Variants in ARHGAP17 observed in about 807,000 individuals in gnomAD.
ARHGAP17 encodes Rho GTPase activating protein 17, also known as rho GTPase-activating protein 17.
Under a neutral mutation model 99.5 loss-of-function variants are expected in ARHGAP17, and 57 were observed. That is an observed-to-expected ratio of 0.57 (90% CI 0.46 to 0.71). ARHGAP17 has a LOEUF of 0.71. ARHGAP17 is among the 30% of genes least tolerant of loss of function. The pLI is 0.00. For synonymous variants in ARHGAP17, 417 were observed against 429.6 expected, an observed-to-expected ratio of 0.97 and a Z score of 0.36; for missense variants, 1,000 against 1,122.4, an observed-to-expected ratio of 0.89 and a Z score of 1.56.
chr16:25,003,509 T>TG (rs2053427872), intron 1 of ARHGAP17, among the ~76,000 whole-genome samples: 1 of 152,134 alleles, frequency 6.6e-6, no homozygotes, highest in Admixed American at 6.5e-5. Flanking sequence ...CCACCATGCC[T>TG]GGCCTTAAAG....
At chr16:24,944,759 G>A (rs918879176) in intron 14 of ARHGAP17, among the ~76,000 whole-genome samples, 13 of 152,020 alleles carry the variant, frequency 8.6e-5, no homozygotes, top group Non-Finnish European at 1.6e-4. Flanking sequence ...TGGGACTACA[G>A]GCACCTGCCA....
chr16:24,956,386 C>T (rs2051808851), intron 9 of ARHGAP17: 1 of 152,240 alleles, frequency 6.6e-6, no homozygotes, highest in African/African-American at 2.4e-5. Context: ...AAACAACAGA[C>T]CTACTATGTG....
chr16:24,939,368 C>A lies in ARHGAP17; in HGVS notation c.1720G>T (p.Gly574Cys), dbSNP rs369553189. Residue 574 changes from glycine (G) to cysteine (C), a missense_variant, in exon 17 of 20, where the codon GGC becomes TGC. Transcript: ENST00000289968. Reference sequence around the variant, plus strand: ...AGCAGAAGTCAGCCTCCTTACCTGCCGTCGCCTGGGCTCGGCCCCTGCTCC... The same window carrying A: ...AGCAGAAGTCAGCCTCCTTACCTGCAGTCGCCTGGGCTCGGCCCCTGCTCC... ...ILEQGPSPGDGSPPKPKDPVS... is the reference protein window; with the variant it reads ...ILEQGPSPGDCSPPKPKDPVS... 3 of 1,601,202 alleles carry A rather than the reference C, an allele frequency of 1.9e-6. No individual in the cohort carries two copies. The highest frequency in any genetic ancestry group is 2.2e-5 in the South Asian group (2 of 89,376).
chr16:24,974,393 C>T (rs9932016), intron 3 of ARHGAP17, among the ~76,000 whole-genome samples: 10,615 of 152,180 alleles, frequency 0.07, 1,216 homozygotes, highest in African/African-American at 0.24. Context: ...TCAACCACTG[C>T]GCTCCAGCCT....
intron 9 of ARHGAP17, among the ~76,000 whole-genome samples, chr16:24,958,696 G>C (rs1416012073): frequency 6.6e-6 from 1 of 152,152 alleles, no homozygotes. Context: ...GAACTTAGGG[G>C]GAGAAGAAGT....
intron 1 of ARHGAP17, among the ~76,000 whole-genome samples, chr16:25,001,680 A>C (rs1011094906): frequency 6.6e-6 from 1 of 152,116 alleles, no homozygotes; most frequent in Non-Finnish European, 1.5e-5. Context: ...TCAGCTTTCC[A>C]AAGTGCTGGG....
chr16:24,992,140 CG>C (rs1192088139), intron 1 of ARHGAP17, among the ~76,000 whole-genome samples: 2 of 151,968 alleles, frequency 1.3e-5, no homozygotes, highest in East Asian at 1.9e-4. Flanking sequence ...CCATGGAACT[CG>C]GGGGCAACAG....
chr16:24,991,681 ACTG>A (rs1289398797), intron 1 of ARHGAP17, among the ~76,000 whole-genome samples: 2 of 152,192 alleles, frequency 1.3e-5, no homozygotes, highest in African/African-American at 2.4e-5. Flanking sequence ...GCTTCCCACC[ACTG>A]CTAAGGAAGC....
intron 10 of ARHGAP17, 75 bp from the exon 11 acceptor site, chr16:24,953,117 G>C (rs2051694468): frequency 7.4e-7 from 1 of 1,345,148 alleles, no homozygotes; most frequent in Non-Finnish European, 1.1e-6. Flanking sequence ...TGTTCTGATG[G>C]GTATTTCCTG....
intron 1 of ARHGAP17, among the ~76,000 whole-genome samples, chr16:25,003,685 G>A (rs184559268): frequency 6.2e-4 from 94 of 152,150 alleles, no homozygotes; most frequent in Non-Finnish European, 1.3e-3. Flanking sequence ...TTAGCCGGGA[G>A]TGGTAGTGCA....
chr16:24,989,208 G>C (rs2052962587), intron 1 of ARHGAP17, among the ~76,000 whole-genome samples: 1 of 152,168 alleles, frequency 6.6e-6, no homozygotes, highest in Admixed American at 6.5e-5. Context: ...GATGGCTGCT[G>C]GGGAGGTGCA....
intron 1 of ARHGAP17, among the ~76,000 whole-genome samples, chr16:24,994,173 G>C (rs925559665): frequency 1.3e-5 from 2 of 152,198 alleles, no homozygotes; most frequent in Admixed American, 1.3e-4. Flanking sequence ...GATGATGGTA[G>C]ATTCTGGGTG....
Position 24,920,076 on chromosome 16 carries a change from C to A in ARHGAP17, c.*54G>T. ...GTCTGCAAAGAAAGAGGTTCGCCTGCCCCTGCTCCACTCGCCAGGGTGGAA... is the reference window on the plus strand; with the variant it reads ...GTCTGCAAAGAAAGAGGTTCGCCTGACCCTGCTCCACTCGCCAGGGTGGAA... On this transcript the variant is annotated 3_prime_UTR_variant, in exon 20 of 20. Coordinates refer to ENST00000289968, the MANE Select transcript of ARHGAP17 (RefSeq NM_001006634.3). 1 of 1,599,022 alleles carries A rather than the reference C, an allele frequency of 6.3e-7. No individual in the cohort carries two copies. The highest frequency in any genetic ancestry group is 8.5e-7 in the Non-Finnish European group (1 of 1,170,114).
At chr16:24,978,830 C>CA in intron 2 of ARHGAP17, 136 bp downstream of exon 2, 1 of 656,446 alleles carries the variant, frequency 1.5e-6, no homozygotes, top group South Asian at 2.1e-5. Flanking sequence ...CTTTCCTGCT[C>CA]AAAATCACAC....
chr16:25,005,951 A>G (rs1039394146), intron 1 of ARHGAP17, among the ~76,000 whole-genome samples: 2 of 152,224 alleles, frequency 1.3e-5, no homozygotes, highest in African/African-American at 4.8e-5. Flanking sequence ...CTGTCATGAT[A>G]TAAACATTAA....
chr16:24,939,155 A>G (rs1166202679), intron 17 of ARHGAP17, among the ~76,000 whole-genome samples: 1 of 152,152 alleles, frequency 6.6e-6, no homozygotes, highest in African/African-American at 2.4e-5. Flanking sequence ...AAGAATGCAA[A>G]CCAATGTTGC....
At chr16:24,932,447 C>T (rs1461149598) in intron 18 of ARHGAP17, among the ~76,000 whole-genome samples, 1 of 152,020 alleles carries the variant, frequency 6.6e-6, no homozygotes, top group Non-Finnish European at 1.5e-5. Flanking sequence ...CTCATTAGGG[C>T]CCCATGGGAA....
At chr16:25,013,211 G>A (rs958857011) in intron 1 of ARHGAP17, among the ~76,000 whole-genome samples, 2 of 152,192 alleles carry the variant, frequency 1.3e-5, no homozygotes, top group Non-Finnish European at 2.9e-5. Context: ...ATGAGCAAGA[G>A]GTGCCTGGAG....
intron 2 of ARHGAP17, among the ~76,000 whole-genome samples, chr16:24,978,452 C>A (rs186088782): frequency 6.6e-6 from 1 of 152,304 alleles, no homozygotes. Flanking sequence ...GGAAATGCCA[C>A]ACAACTGCTC....
Sources: gnomAD v4.1 joint callset for allele counts (sites outside exome capture counted in the v4.1 genomes callset) on GRCh38, gnomAD v4.1.1 for gene constraint, MANE v1.5 for transcripts, NCBI Gene and HGNC (gene_info 2026-07-23, HGNC 2026-07-21) for gene names.